The following CACNA1C variants were observed in gnomAD, a reference collection of about 807,000 sequenced individuals.
The protein encoded by CACNA1C is voltage-dependent L-type calcium channel subunit alpha-1C.
In CACNA1C, 30 loss-of-function variants were observed where a neutral mutation model predicts 229.0. The ratio of observed to expected loss-of-function variants is 0.13; its 90% CI spans 0.10 to 0.18. CACNA1C has a LOEUF of 0.18. Ranked by LOEUF, CACNA1C falls within the 10% of genes least tolerant of loss-of-function variation. CACNA1C has a pLI of 1.00. For synonymous variants in CACNA1C, 1,114 were observed against 1,132.5 expected (o/e 0.98, Z 0.33); for missense variants, 1,658 against 2,845.0 (o/e 0.58, Z 9.49).
In CACNA1C at chr12:2,488,911, C is replaced by T. The variant is rs1469176118; in HGVS notation, c.916+2649C>T. Reference sequence around the variant, plus strand: ...CCACTCTGTCACTCTTAGCACAACACGATGCCGCTGCTATCAAGCCCTTGT... The same window carrying T: ...CCACTCTGTCACTCTTAGCACAACATGATGCCGCTGCTATCAAGCCCTTGT... On this transcript the variant is annotated intron_variant, in intron 6 of 46. Transcript: ENST00000399655. This position sits in a 1 kb window ranked among gnomAD's most constrained non-coding sequence, Gnocchi z 4.0. 3.3e-5 allele frequency among the ~76,000 whole-genome samples: 5 copies of T among 152,190 alleles called. No homozygotes were observed. The East Asian group carries it at 5.8e-4, about 18-fold the overall frequency.
At chr12:2,419,367 G>A (rs984456863) in intron 3 of CACNA1C, among the ~76,000 whole-genome samples, 3 of 152,126 alleles carry the variant, frequency 2.0e-5, no homozygotes, top group Non-Finnish European at 4.4e-5. Context: ...CAGATCTCAT[G>A]AGAACTCCCT....
At chr12:2,636,111 A>G (rs1203965733) in intron 30 of CACNA1C, among the ~76,000 whole-genome samples, 1 of 152,204 alleles carries the variant, frequency 6.6e-6, no homozygotes, top group African/African-American at 2.4e-5. Context: ...CTGCAGGGAG[A>G]GAAACAGGAA....
At chr12:2,082,026 A>G (rs1435115357) in intron 1 of CACNA1C, among the ~76,000 whole-genome samples, 1 of 152,078 alleles carries the variant, frequency 6.6e-6, no homozygotes, top group Non-Finnish European at 1.5e-5. Flanking sequence ...GAGAGGTAAG[A>G]AAACAGGGGG....
In CACNA1C at chr12:2,595,229, C is replaced by A. The variant is rs1329191767; in HGVS notation, c.2664-645C>A. 6.6e-6 allele frequency among the ~76,000 whole-genome samples: 1 copy of A among 152,166 alleles called. No homozygotes were observed. The highest frequency in any genetic ancestry group is 1.5e-5 in the Non-Finnish European group (1 of 68,044). ...CACTAAGGCTGTGTTTCTGGGCAAG[C>A]CTCTCCTACTTGGGTTTCAGTGTTC... is the stretch of plus-strand genomic sequence containing the variant. On this transcript the variant is annotated intron_variant, in intron 19 of 46. Transcript: ENST00000399655. This position sits in a 1 kb window ranked among gnomAD's most constrained non-coding sequence, Gnocchi z 4.1.
Position 2,667,960 on chromosome 12 carries a change from G to A in CACNA1C, c.4624-973G>A, listed in dbSNP as rs559520507. ...GCTGAAGGCCCCACACCAGAGCTCC[G>A]TGCCAGGGAAGCCTGTTCTGGGGGT... On this transcript the variant is annotated intron_variant, in intron 37 of 46. Transcript: ENST00000399655. Among the ~76,000 whole-genome samples, 8 of 152,346 alleles carry A rather than the reference G, an allele frequency of 5.3e-5. No individual in the cohort carries two copies. The South Asian group carries it at 1.4e-3, about 28-fold the overall frequency.
At chr12:2,474,756 C>CAA (rs34963749) in intron 5 of CACNA1C, among the ~76,000 whole-genome samples, 1,926 of 99,750 alleles carry the variant, frequency 0.019, 30 homozygotes, top group Non-Finnish European at 0.026. Flanking sequence ...AACTCCATCT[C>CAA]AAAAAAAAAA....
chr12:2,369,985 T>C (rs2097818898), intron 3 of CACNA1C, among the ~76,000 whole-genome samples: 1 of 152,144 alleles, frequency 6.6e-6, no homozygotes, highest in African/African-American at 2.4e-5. Context: ...AGACACGGGG[T>C]CAATATTGCT....
At position 2,630,688 on chromosome 12, in the gene CACNA1C, AC is replaced by A. The variant is rs2089980619; in HGVS notation, c.3829-3606del. On this transcript the variant is annotated intron_variant, in intron 29 of 46. Coordinates refer to ENST00000399655, the MANE Select transcript of CACNA1C (RefSeq NM_000719.7). This position sits in a 1 kb window ranked among gnomAD's most constrained non-coding sequence, Gnocchi z 5.4. ...GGACCCTGTTTGTGCCCAGACATGTACCCTCACCCACTGCATTCCAGCTCTG... is the reference window on the plus strand; with the variant it reads ...GGACCCTGTTTGTGCCCAGACATGTACCTCACCCACTGCATTCCAGCTCTG... Among the ~76,000 whole-genome samples the A allele has an allele frequency of 6.6e-6, 1 of 152,048 alleles. No individual in the cohort carries two copies. Among genetic ancestry groups the A allele is most frequent in the Admixed American group, 6.5e-5 (1 of 15,288 alleles).
At chr12:2,283,755 C>T (rs369080431) in intron 3 of CACNA1C, among the ~76,000 whole-genome samples, 6 of 152,148 alleles carry the variant, frequency 3.9e-5, no homozygotes, top group South Asian at 2.1e-4. Flanking sequence ...AGGATGCTGC[C>T]GTCTGGTCCG....
Position 2,633,658 on chromosome 12 carries a change from T to A in CACNA1C, c.3829-639T>A. On this transcript the variant is annotated intron_variant, in intron 29 of 46. Coordinates refer to ENST00000399655, the MANE Select transcript of CACNA1C (RefSeq NM_000719.7). The surrounding 1 kb of genome is among the most constrained non-coding windows in gnomAD (Gnocchi z 5.8). ...ACTTTAGTGATCCCTGGAATGTTTTTGACTTCCTCATCGTAATTGGCAGCA... is the reference window on the plus strand; with the variant it reads ...ACTTTAGTGATCCCTGGAATGTTTTAGACTTCCTCATCGTAATTGGCAGCA... 6.2e-7 allele frequency: 1 copy of A among 1,610,706 alleles called. No homozygotes were observed. Among genetic ancestry groups the A allele is most frequent in the Non-Finnish European group, 8.5e-7 (1 of 1,176,910 alleles).
intron 3 of CACNA1C, among the ~76,000 whole-genome samples, chr12:2,394,593 G>C (rs1458422197): frequency 6.6e-6 from 1 of 152,154 alleles, no homozygotes; most frequent in Non-Finnish European, 1.5e-5. Flanking sequence ...TAAAACCCTG[G>C]ATGGGGTTCT....
intron 1 of CACNA1C, among the ~76,000 whole-genome samples, chr12:2,110,076 A>G (rs1040843871): frequency 6.6e-6 from 1 of 152,194 alleles, no homozygotes; most frequent in African/African-American, 2.4e-5. Flanking sequence ...TTCATCACTG[A>G]ACACCTTCCA....
Position 2,177,710 on chromosome 12 carries a change from C to T in CACNA1C, c.477+57280C>T, listed in dbSNP as rs190340744. The stretch of plus-strand genomic sequence containing the variant: ...GGAGTGCAGTGGCACGATCTTGGCT[C>T]ACTGCAACCTGCGCCTCCTGGGTTC... On this transcript the variant is annotated intron_variant, in intron 3 of 46. Transcript: ENST00000399655. 8.3e-3 allele frequency among the ~76,000 whole-genome samples: 1,260 copies of T among 151,840 alleles called. 28 individuals carry two copies. The highest frequency in any genetic ancestry group is 6.6e-3 in the Non-Finnish European group (449 of 67,986).
chr12:2,478,646 C>T (rs1442723291), intron 5 of CACNA1C, among the ~76,000 whole-genome samples: 1 of 152,182 alleles, frequency 6.6e-6, no homozygotes, highest in Non-Finnish European at 1.5e-5. Flanking sequence ...GTTTAATCCT[C>T]ACAGCAACTT....
At chr12:2,044,460 G>A (rs1688029189) in intron 1 of CACNA1C, among the ~76,000 whole-genome samples, 1 of 152,120 alleles carries the variant, frequency 6.6e-6, no homozygotes, top group African/African-American at 2.4e-5. Flanking sequence ...GCAGGGCGGT[G>A]GTGATTAGTT....
intron 34 of CACNA1C, among the ~76,000 whole-genome samples, chr12:2,656,041 A>G (rs1374884177): frequency 2.6e-5 from 4 of 152,202 alleles, no homozygotes; most frequent in Non-Finnish European, 1.5e-5. Flanking sequence ...GAACAAGACA[A>G]AGATGCCCAC....
At chr12:2,240,568 A>T (rs1450404766) in intron 3 of CACNA1C, among the ~76,000 whole-genome samples, 1 of 151,898 alleles carries the variant, frequency 6.6e-6, no homozygotes, top group Non-Finnish European at 1.5e-5. Context: ...GGCTGGAAGG[A>T]CTCCTGGAGG....
chr12:2,453,477 A>G (rs1009425477), intron 4 of CACNA1C, among the ~76,000 whole-genome samples: 9 of 152,166 alleles, frequency 5.9e-5, no homozygotes, highest in East Asian at 5.8e-4. Context: ...CCCAGCGTGT[A>G]GTGCACTCTG....
chr12:2,192,056 ACACT>A (rs914500265), intron 3 of CACNA1C, among the ~76,000 whole-genome samples: 6 of 152,000 alleles, frequency 3.9e-5, no homozygotes, highest in South Asian at 4.1e-4. Context: ...ACACACATAC[ACACT>A]CAGGCACAGA....
Sources: gnomAD v4.1 joint callset for allele counts (sites outside exome capture counted in the v4.1 genomes callset) on GRCh38, gnomAD v4.1.1 for gene constraint, Gnocchi (gnomAD v3.1) non-coding constraint, MANE v1.5 for transcripts, NCBI Gene and HGNC (gene_info 2026-07-23, HGNC 2026-07-21) for gene names.